Variants in CNTN4 observed in about 807,000 individuals in gnomAD.
CNTN4 encodes the protein contactin 4.
Under a neutral mutation model 122.5 loss-of-function variants are expected in CNTN4, and 77 were observed. The ratio of observed to expected loss-of-function variants is 0.63; its 90% CI spans 0.52 to 0.76. The LOEUF is 0.76. Ranked by LOEUF, CNTN4 falls within the 30% of genes least tolerant of loss-of-function variation. The probability of loss-of-function intolerance (pLI) is 0.00; values close to 1 mark genes in which losing one functional copy is unlikely to be tolerated. For synonymous variants in CNTN4, 512 were observed against 447.0 expected, an observed-to-expected ratio of 1.15 and a Z score of -1.83; for missense variants, 1,256 against 1,259.1, an observed-to-expected ratio of 1.00 and a Z score of 0.04.
At chr3:2,627,704 A>C (rs368528930) in intron 4 of CNTN4, among the ~76,000 whole-genome samples, 2 of 152,016 alleles carry the variant, frequency 1.3e-5, no homozygotes, top group Non-Finnish European at 1.5e-5. Flanking sequence ...CGTGTTAGCC[A>C]GGATGGTCTC....
intron 4 of CNTN4, among the ~76,000 whole-genome samples, chr3:2,611,311 A>C (rs2081478448): frequency 7.4e-6 from 1 of 134,802 alleles, no homozygotes; most frequent in African/African-American, 2.9e-5. Context: ...AAAAAAAAAA[A>C]AGAAAGAAAG....
At chr3:2,222,721 G>T (rs2039109801) in intron 2 of CNTN4, among the ~76,000 whole-genome samples, 1 of 151,998 alleles carries the variant, frequency 6.6e-6, no homozygotes, top group South Asian at 2.1e-4. Context: ...AGGCTCCCTA[G>T]TAAAACTTAT....
chr3:2,758,516 A>ATTT (rs2090440906), intron 6 of CNTN4, among the ~76,000 whole-genome samples: 1 of 67,276 alleles, frequency 1.5e-5, no homozygotes, highest in African/African-American at 3.7e-5. Flanking sequence ...TCAACACCAT[A>ATTT]CTTTTTTTTT....
chr3:2,597,474 G>A (rs2080823754), intron 4 of CNTN4, among the ~76,000 whole-genome samples: 2 of 152,168 alleles, frequency 1.3e-5, no homozygotes, highest in African/African-American at 4.8e-5. Flanking sequence ...CGAAAGTATT[G>A]TGTCTTGACA....
chr3:2,915,823 G>C (rs2094347528), intron 12 of CNTN4, among the ~76,000 whole-genome samples: 1 of 152,168 alleles, frequency 6.6e-6, no homozygotes, highest in South Asian at 2.1e-4. Context: ...TAGTTGAAAG[G>C]ATAGAGGAAA....
At chr3:2,762,621 G>A (rs142986213) in intron 6 of CNTN4, among the ~76,000 whole-genome samples, 73 of 152,104 alleles carry the variant, frequency 4.8e-4, no homozygotes, top group Non-Finnish European at 8.2e-4. Flanking sequence ...ATTGTGAATA[G>A]TACTGCAGTG....
chr3:3,009,956 T>C (rs1482959051), intron 14 of CNTN4, among the ~76,000 whole-genome samples: 4 of 151,430 alleles, frequency 2.6e-5, no homozygotes, highest in African/African-American at 4.8e-5. Flanking sequence ...GGCTGATCGC[T>C]ACCTAGAGAA....
intron 4 of CNTN4, among the ~76,000 whole-genome samples, chr3:2,576,899 T>G (rs1356626978): frequency 2.2e-4 from 33 of 152,148 alleles, no homozygotes; most frequent in Admixed American, 2.2e-3. Context: ...ACTGTTCCCC[T>G]GTTGTATTTT....
intron 3 of CNTN4, among the ~76,000 whole-genome samples, chr3:2,567,494 G>A (rs1252916992): frequency 2.6e-5 from 4 of 152,094 alleles, no homozygotes; most frequent in Admixed American, 2.0e-4. Flanking sequence ...CTCAGGCTGC[G>A]CTGTGCTGTC....
At chr3:2,589,978 C>T (rs1369333652) in intron 4 of CNTN4, among the ~76,000 whole-genome samples, 3 of 152,104 alleles carry the variant, frequency 2.0e-5, no homozygotes, top group African/African-American at 7.2e-5. Context: ...TATTTTCTGC[C>T]CCACACTCAA....
chr3:2,150,450 C>T (rs2035448719), intron 2 of CNTN4, among the ~76,000 whole-genome samples: 1 of 152,162 alleles, frequency 6.6e-6, no homozygotes, highest in African/African-American at 2.4e-5. Context: ...TAAGTATCTT[C>T]ACCCAGTTGT....
At chr3:2,823,267 C>T (rs975686971) in intron 7 of CNTN4, among the ~76,000 whole-genome samples, 9 of 152,106 alleles carry the variant, frequency 5.9e-5, no homozygotes, top group African/African-American at 1.9e-4. Flanking sequence ...ATGAGTCAGC[C>T]TTTTATTATA....
chr3:2,277,604 G>A (rs1215078645), intron 2 of CNTN4, among the ~76,000 whole-genome samples: 2 of 152,098 alleles, frequency 1.3e-5, no homozygotes, highest in African/African-American at 2.4e-5. Flanking sequence ...TTGCATATCC[G>A]TACGTGAAAC....
chr3:2,177,358 A>G (rs922285494), intron 2 of CNTN4, among the ~76,000 whole-genome samples: 2 of 152,054 alleles, frequency 1.3e-5, no homozygotes, highest in African/African-American at 4.8e-5. Flanking sequence ...GTTTCTCAAC[A>G]TCTCATATCT....
chr3:2,190,406 A>G (rs1575042195), intron 2 of CNTN4, among the ~76,000 whole-genome samples: 1 of 152,180 alleles, frequency 6.6e-6, no homozygotes, highest in East Asian at 1.9e-4. Context: ...GGTGTCCTAC[A>G]CTATACAGGG....
At chr3:3,009,235 A>G (rs1434192924) in intron 14 of CNTN4, among the ~76,000 whole-genome samples, 1 of 152,206 alleles carries the variant, frequency 6.6e-6, no homozygotes, top group East Asian at 1.9e-4. Flanking sequence ...CTGGGAGGCC[A>G]GCCTACAGGA....
intron 4 of CNTN4, among the ~76,000 whole-genome samples, chr3:2,731,210 G>A (rs916408545): frequency 2.6e-5 from 4 of 152,028 alleles, no homozygotes; most frequent in Non-Finnish European, 1.5e-5. Flanking sequence ...CTTGTTTCTG[G>A]TCATGAAATC....
chr3:2,408,559 T>G (rs1466465950), intron 3 of CNTN4, among the ~76,000 whole-genome samples: 1 of 152,214 alleles, frequency 6.6e-6, no homozygotes, highest in Non-Finnish European at 1.5e-5. Flanking sequence ...GAATCTTCAA[T>G]GTATATTTTT....
chr3:2,411,017 A>C (rs2047207702), intron 3 of CNTN4, among the ~76,000 whole-genome samples: 1 of 152,208 alleles, frequency 6.6e-6, no homozygotes, highest in Admixed American at 6.5e-5. Flanking sequence ...CAATATTTCA[A>C]CTGTACTTTA....
Sources: gnomAD v4.1 joint callset for allele counts (sites outside exome capture counted in the v4.1 genomes callset) on GRCh38, gnomAD v4.1.1 for gene constraint, MANE v1.5 for transcripts, NCBI Gene and HGNC (gene_info 2026-07-23, HGNC 2026-07-21) for gene names.